The following SMARCA2 variants were observed in gnomAD, a reference collection of about 807,000 sequenced individuals.
SMARCA2 encodes SWI/SNF related BAF chromatin remodeling complex subunit ATPase 2, also known as SWI/SNF-related matrix-associated actin-dependent regulator of chromatin subfamily A member 2.
A neutral mutation model predicts 199.8 loss-of-function variants in SMARCA2; 61 were observed. That is an observed-to-expected ratio of 0.31 (90% CI 0.25 to 0.38). SMARCA2 has a LOEUF of 0.38. Among genes scored for constraint, SMARCA2 ranks in the 10% least tolerant of loss-of-function variants. The pLI is 1.00. For missense variants in SMARCA2, 1,344 were observed against 2,012.2 expected (o/e 0.67, Z 6.35); for synonymous variants, 935 against 732.0 (o/e 1.28, Z -4.48).
At chr9:2,077,583 T>G (rs752235121) in intron 13 of SMARCA2, 46 bp from the exon 14 acceptor site, 2 of 1,576,902 alleles carry the variant, frequency 1.3e-6, no homozygotes, top group South Asian at 1.1e-5. Context: ...AAACAACACA[T>G]GCACGCACAT....
intron 29 of SMARCA2, among the ~76,000 whole-genome samples, chr9:2,179,735 A>G (rs575662495): frequency 7.2e-5 from 11 of 152,182 alleles, no homozygotes; most frequent in Non-Finnish European, 1.3e-4. Flanking sequence ...TACTCCATCA[A>G]TAGAAACATG....
intron 27 of SMARCA2, among the ~76,000 whole-genome samples, chr9:2,156,089 G>C (rs7020755): frequency 0.82 from 124,935 of 152,168 alleles, 51,481 homozygotes; most frequent in African/African-American, 0.89. Flanking sequence ...ATAGTTATGT[G>C]CTATACACAG....
At chr9:2,107,867 A>G (rs760323500) in intron 23 of SMARCA2, among the ~76,000 whole-genome samples, 3 of 152,156 alleles carry the variant, frequency 2.0e-5, no homozygotes, top group Non-Finnish European at 4.4e-5. Flanking sequence ...CAGGTTTTGC[A>G]AAAGAGAAAA....
chr9:2,150,604 G>A (rs1352194202), intron 27 of SMARCA2, among the ~76,000 whole-genome samples: 1 of 151,622 alleles, frequency 6.6e-6, no homozygotes, highest in Non-Finnish European at 1.5e-5. Flanking sequence ...GCGTTGCTTT[G>A]CACCATTCCA....
chr9:2,084,945 C>G (rs1274810784), intron 17 of SMARCA2, among the ~76,000 whole-genome samples: 1 of 151,964 alleles, frequency 6.6e-6, no homozygotes, highest in African/African-American at 2.4e-5. Flanking sequence ...AATGAAAACT[C>G]TTTTTTTTCC....
Position 2,123,815 on chromosome 9 carries a change from G to A in SMARCA2, c.3859G>A (p.Asp1287Asn), listed in dbSNP as rs1352640508. The change falls in exon 27 of 34, where the codon GAT becomes AAT. Residue 1287 changes from aspartate to asparagine, a missense_variant. Asp to Asn is a conservative substitution (Grantham distance 23). Transcript: ENST00000349721. The surrounding 1 kb of genome is among the most constrained non-coding windows in gnomAD (Gnocchi z 4.1). ...EDELPSWIIK[D>N]DAEVERLTCE... The stretch of plus-strand genomic sequence containing the variant: ...TGAGCTGCCCTCCTGGATCATTAAG[G>A]ATGACGCTGAAGTAGAAAGGCTCAC... 1 of 1,613,526 alleles carries A rather than the reference G, an allele frequency of 6.2e-7. No homozygotes were observed. Among genetic ancestry groups the A allele is most frequent in the Non-Finnish European group, 8.5e-7 (1 of 1,179,792 alleles).
chr9:2,116,277 C>A (rs1823213118), intron 25 of SMARCA2, among the ~76,000 whole-genome samples: 1 of 152,190 alleles, frequency 6.6e-6, no homozygotes, highest in Admixed American at 6.5e-5. Flanking sequence ...GTGGGTGCTC[C>A]CTCCTTTTTC....
intron 27 of SMARCA2, among the ~76,000 whole-genome samples, chr9:2,135,079 G>A (rs1307886364): frequency 6.6e-6 from 1 of 152,200 alleles, no homozygotes; most frequent in East Asian, 1.9e-4. Flanking sequence ...GGAGACCCAG[G>A]AAAGCCAATG....
intron 27 of SMARCA2, chr9:2,160,216 T>C (rs1184249182): frequency 2.6e-6 from 1 of 390,798 alleles, no homozygotes; most frequent in African/African-American, 2.0e-5. Flanking sequence ...TGAAGCTTTT[T>C]TTTTTTTTTT....
At chr9:2,188,415 A>G (rs1169936705) in intron 32 of SMARCA2, among the ~76,000 whole-genome samples, 2 of 152,184 alleles carry the variant, frequency 1.3e-5, no homozygotes, top group African/African-American at 4.8e-5. Flanking sequence ...GTCATTTTCT[A>G]TTATCTATAT....
chr9:2,190,069 G>A (rs1055850084), intron 32 of SMARCA2, among the ~76,000 whole-genome samples: 2 of 152,118 alleles, frequency 1.3e-5, no homozygotes, highest in Non-Finnish European at 2.9e-5. Flanking sequence ...GGTATTCTGT[G>A]GATACCTATC....
intron 32 of SMARCA2, among the ~76,000 whole-genome samples, chr9:2,190,374 A>G (rs952232380): frequency 6.6e-6 from 1 of 152,242 alleles, no homozygotes; most frequent in Non-Finnish European, 1.5e-5. Context: ...CCCTCATCAT[A>G]TGAGACTGAT....
chr9:2,077,896 T>G (rs1261082086), intron 14 of SMARCA2, 120 bp downstream of exon 14: 1 of 832,594 alleles, frequency 1.2e-6, no homozygotes, highest in African/African-American at 1.7e-5. Context: ...ACATCACTTA[T>G]AATACTGAGG....
intron 1 of SMARCA2, among the ~76,000 whole-genome samples, chr9:2,021,543 A>T (rs192245984): frequency 6.6e-6 from 1 of 152,162 alleles, no homozygotes; most frequent in African/African-American, 2.4e-5. Context: ...ACACATGGAT[A>T]TTGGATGTCC....
chr9:2,120,455 A>G (rs1229057931), intron 26 of SMARCA2, among the ~76,000 whole-genome samples: 1 of 152,184 alleles, frequency 6.6e-6, no homozygotes, highest in African/African-American at 2.4e-5. Context: ...AGGTGTTTAT[A>G]TGTGATCTCT....
intron 3 of SMARCA2, among the ~76,000 whole-genome samples, chr9:2,038,977 C>G (rs1586634451): frequency 1.3e-5 from 2 of 152,254 alleles, no homozygotes; most frequent in East Asian, 3.9e-4. Context: ...CTACTTTTAC[C>G]ATTCAGTACT....
Position 2,026,212 on chromosome 9 carries a change from G to A in SMARCA2, c.-36-2775G>A, listed in dbSNP as rs147413461. ...GAGTCCAGATCTCTGCCATTCATTA[G>A]TTATATGGCACAGGGTACATTTCTT... On this transcript the variant is annotated intron_variant, in intron 1 of 33. Transcript: ENST00000349721. Among the ~76,000 whole-genome samples the A allele has an allele frequency of 3.9e-5, 6 of 152,302 alleles. No individual in the cohort carries two copies. In the East Asian group the frequency reaches 1.2e-3, roughly 29 times the overall value.
At chr9:2,074,973 G>A (rs1240134404) in intron 12 of SMARCA2, 3 of 152,210 alleles carry the variant, frequency 2.0e-5, no homozygotes, top group Non-Finnish European at 4.4e-5. Context: ...TTGGATGAAT[G>A]GGCTTATAAG....
At chr9:2,109,954 A>G (rs1822925870) in intron 23 of SMARCA2, among the ~76,000 whole-genome samples, 1 of 152,228 alleles carries the variant, frequency 6.6e-6, no homozygotes, top group Non-Finnish European at 1.5e-5. Flanking sequence ...TTGTTGTTAT[A>G]AATCACAGAA....
Sources: allele counts gnomAD v4.1 joint callset (sites outside exome capture counted in the v4.1 genomes callset), GRCh38; gene constraint gnomAD v4.1.1; non-coding constraint Gnocchi (gnomAD v3.1); transcripts MANE v1.5; gene names NCBI Gene and HGNC (gene_info 2026-07-23, HGNC 2026-07-21).